The following STAC variants were observed in gnomAD, a reference collection of about 807,000 sequenced individuals.
STAC encodes the protein SH3 and cysteine rich domain, also known as SH3 and cysteine-rich domain-containing protein.
STAC carries 43 observed loss-of-function variants against 48.8 expected under a neutral mutation model. The observed-to-expected ratio is 0.88, with a 90% confidence interval of 0.69 to 1.14. The LOEUF is 1.14. Ranked by LOEUF, STAC falls within the 50% of genes most tolerant of loss-of-function variation. The pLI, the probability that STAC is intolerant of heterozygous loss-of-function variation, is 0.00. For missense variants in STAC, 497 were observed against 504.0 expected, an observed-to-expected ratio of 0.99 and a Z score of 0.13; for synonymous variants, 193 against 179.5, an observed-to-expected ratio of 1.07 and a Z score of -0.60.
intron 1 of STAC, among the ~76,000 whole-genome samples, chr3:36,412,063 T>G (rs1700206959): frequency 6.6e-6 from 1 of 152,198 alleles, no homozygotes; most frequent in Non-Finnish European, 1.5e-5. Context: ...TACAATAATT[T>G]AAGCAAATAT....
chr3:36,394,887 A>T (rs1276381920), intron 1 of STAC, among the ~76,000 whole-genome samples: 1 of 152,142 alleles, frequency 6.6e-6, no homozygotes, highest in African/African-American at 2.4e-5. Flanking sequence ...TGTCAAAAAA[A>T]AAAAAGGAAT....
intron 1 of STAC, among the ~76,000 whole-genome samples, chr3:36,388,542 A>G (rs919614843): frequency 2.0e-5 from 3 of 151,992 alleles, no homozygotes; most frequent in Non-Finnish European, 1.5e-5. Flanking sequence ...TATATTTAGA[A>G]AGGACTTCCC....
intron 6 of STAC, among the ~76,000 whole-genome samples, chr3:36,495,183 T>C (rs1575239651): frequency 6.6e-6 from 1 of 152,282 alleles, no homozygotes; most frequent in South Asian, 2.1e-4. Flanking sequence ...ATGAAGATAA[T>C]AACACCAAAT....
chr3:36,505,616 G>T, intron 7 of STAC, 130 bp from the exon 8 acceptor site: 1 of 582,984 alleles, frequency 1.7e-6, no homozygotes, highest in South Asian at 2.6e-5. Flanking sequence ...TTTAATAATG[G>T]TTAGATAACA....
chr3:36,524,001 T>C (rs1016891246), intron 8 of STAC, among the ~76,000 whole-genome samples: 7 of 152,198 alleles, frequency 4.6e-5, no homozygotes, highest in Non-Finnish European at 7.3e-5. Flanking sequence ...AACAGGAAGC[T>C]GGAGCTACAG....
Position 36,486,172 on chromosome 3 carries a change from C to A in STAC, c.610C>A (p.Arg204Ser), listed in dbSNP as rs557489939. Residue 204 changes from arginine to serine, a missense_variant, in exon 5 of 11, where the codon CGC (arginine) becomes AGC (serine). Physicochemically the swap from Arg to Ser is moderately radical, Grantham distance 110. Transcript: ENST00000273183. ...GGTGGACCCTGTCTACGAGACCCTC[C>A]GCTTCGGCACCTCCCTGGCCCAGAG... ...NKVDPVYETL[R>S]FGTSLAQRTK... is the part of the protein sequence containing the mutation. 3 of 1,613,968 alleles carry A rather than the reference C, an allele frequency of 1.9e-6. No homozygotes were observed. Among genetic ancestry groups the A allele is most frequent in the Non-Finnish European group, 2.5e-6 (3 of 1,179,936 alleles).
chr3:36,380,891 C>G, intron 1 of STAC, 137 bp downstream of exon 1: 1 of 653,582 alleles, frequency 1.5e-6, no homozygotes. Flanking sequence ...AGGACTTGAA[C>G]GTCCGGTAGG....
intron 2 of STAC, among the ~76,000 whole-genome samples, chr3:36,467,390 C>G (rs1351987579): frequency 6.6e-6 from 1 of 151,886 alleles, no homozygotes; most frequent in South Asian, 2.1e-4. Context: ...ACTGTTTCTC[C>G]GTCTTTTGGA....
At chr3:36,448,415 T>C (rs1575206936) in intron 2 of STAC, among the ~76,000 whole-genome samples, 2 of 151,790 alleles carry the variant, frequency 1.3e-5, no homozygotes, top group Non-Finnish European at 2.9e-5. Flanking sequence ...AGAGACGGGG[T>C]TTCGCATGTT....
chr3:36,442,943 A>G (rs1696394611), intron 1 of STAC, among the ~76,000 whole-genome samples: 1 of 152,192 alleles, frequency 6.6e-6, no homozygotes, highest in African/African-American at 2.4e-5. Context: ...AGTGGCTGTT[A>G]AGTGATCATA....
At chr3:36,534,614 T>TAGTTA (rs142464305) in intron 10 of STAC, among the ~76,000 whole-genome samples, 17,376 of 152,128 alleles carry the variant, frequency 0.11, 1,177 homozygotes, top group Non-Finnish European at 0.15. Flanking sequence ...TTTCCAAATA[T>TAGTTA]AGTTATCCAT....
At chr3:36,481,492 G>A (rs191360423) in intron 2 of STAC, among the ~76,000 whole-genome samples, 4 of 152,154 alleles carry the variant, frequency 2.6e-5, no homozygotes, top group Admixed American at 2.6e-4. Flanking sequence ...TTGTAATCTT[G>A]GGACATCCTC....
intron 2 of STAC, among the ~76,000 whole-genome samples, chr3:36,454,431 C>T (rs888654334): frequency 6.6e-6 from 1 of 152,040 alleles, no homozygotes; most frequent in African/African-American, 2.4e-5. Flanking sequence ...CGAACACATC[C>T]GAACATCAGA....
chr3:36,404,327 T>C (rs915368201), intron 1 of STAC, among the ~76,000 whole-genome samples: 1 of 152,186 alleles, frequency 6.6e-6, no homozygotes, highest in African/African-American at 2.4e-5. Context: ...AGGAAATTAA[T>C]GGCAGATTAC....
intron 8 of STAC, among the ~76,000 whole-genome samples, chr3:36,520,311 A>G (rs936665390): frequency 6.6e-6 from 1 of 152,180 alleles, no homozygotes; most frequent in Non-Finnish European, 1.5e-5. Flanking sequence ...GGAAATCTGT[A>G]TGGTTAAATG....
chr3:36,513,437 A>T (rs1265945372), intron 8 of STAC, among the ~76,000 whole-genome samples: 1 of 152,164 alleles, frequency 6.6e-6, no homozygotes. Flanking sequence ...AACTGTATCT[A>T]TCCCCACCTT....
chr3:36,536,988 C>T (rs1406826824), intron 10 of STAC, among the ~76,000 whole-genome samples: 1 of 152,034 alleles, frequency 6.6e-6, no homozygotes, highest in African/African-American at 2.4e-5. Context: ...AAAATCAAAA[C>T]CACAAAGAGT....
intron 1 of STAC, among the ~76,000 whole-genome samples, chr3:36,389,861 G>T (rs1036703488): frequency 2.0e-5 from 3 of 152,098 alleles, no homozygotes; most frequent in Non-Finnish European, 4.4e-5. Context: ...AAGTTAATTA[G>T]TGTATGTAAA....
intron 5 of STAC, among the ~76,000 whole-genome samples, chr3:36,492,319 A>C (rs1258585913): frequency 6.6e-6 from 1 of 152,026 alleles, no homozygotes; most frequent in East Asian, 1.9e-4. Flanking sequence ...AAGATGCTTT[A>C]GCACACCAAT....
Sources: gnomAD v4.1 joint callset for allele counts (sites outside exome capture counted in the v4.1 genomes callset) on GRCh38, gnomAD v4.1.1 for gene constraint, MANE v1.5 for transcripts, NCBI Gene and HGNC (gene_info 2026-07-23, HGNC 2026-07-21) for gene names.